LARGE1: variants seen among roughly 807,000 people sequenced by gnomAD.
The protein encoded by LARGE1 is xylosyl- and glucuronyltransferase LARGE1.
In LARGE1, 43 loss-of-function variants were observed where a neutral mutation model predicts 87.6. The ratio of observed to expected loss-of-function variants is 0.49; its 90% confidence interval spans 0.38 to 0.63. LARGE1 has a LOEUF of 0.63. LARGE1 is among the 30% of genes least tolerant of loss of function. The pLI is 0.00. For synonymous variants in LARGE1, 434 were observed against 394.6 expected, an observed-to-expected ratio of 1.10 and a Z score of -1.18; for missense variants, 802 against 1,000.2, an observed-to-expected ratio of 0.80 and a Z score of 2.67.
chr22:33,823,135 T>C (rs575870004), intron 1 of LARGE1, among the ~76,000 whole-genome samples: 1 of 152,132 alleles, frequency 6.6e-6, no homozygotes, highest in Non-Finnish European at 1.5e-5. Flanking sequence ...CTGACAAATA[T>C]AAATGATGTA....
chr22:33,568,698 G>A (rs929868438), intron 5 of LARGE1, among the ~76,000 whole-genome samples: 1 of 150,248 alleles, frequency 6.7e-6, no homozygotes, highest in African/African-American at 2.4e-5. Flanking sequence ...CCTAGGAAGC[G>A]GAAGTTGCGG....
chr22:33,791,574 T>C (rs758515210), intron 1 of LARGE1, among the ~76,000 whole-genome samples: 3 of 152,256 alleles, frequency 2.0e-5, no homozygotes, highest in Non-Finnish European at 2.9e-5. Flanking sequence ...TGCCACTTCA[T>C]CTGAAAATTC....
chr22:33,081,845 G>T, the LARGE1 span, among the ~76,000 whole-genome samples: 1 of 152,114 alleles, frequency 6.6e-6, no homozygotes, highest in Non-Finnish European at 1.5e-5. Context: ...TGGGAATTCT[G>T]CCAGTTATGA....
chr22:33,296,683 C>T (rs1413937462), intron 12 of LARGE1, among the ~76,000 whole-genome samples: 1 of 151,860 alleles, frequency 6.6e-6, no homozygotes, highest in East Asian at 1.9e-4. Context: ...ATTTTCCTGC[C>T]TCAGCCTCCT....
At chr22:33,539,256 G>GA (rs66550730) in intron 6 of LARGE1, among the ~76,000 whole-genome samples, 1,842 of 147,878 alleles carry the variant, frequency 0.012, 36 homozygotes, top group African/African-American at 0.044. Context: ...CTGATTAAAA[G>GA]AAAAAAAAAA....
At chr22:33,733,463 G>A (rs555703518) in intron 2 of LARGE1, 25 of 152,336 alleles carry the variant, frequency 1.6e-4, no homozygotes, top group African/African-American at 4.8e-4. Flanking sequence ...CACATCCAGA[G>A]TTATTTACAC....
intron 11 of LARGE1, among the ~76,000 whole-genome samples, chr22:33,229,436 GA>G (rs1222439016): frequency 4.6e-5 from 7 of 151,832 alleles, no homozygotes; most frequent in African/African-American, 1.7e-4. Context: ...AAGGGAGTAT[GA>G]AAAAATAATA....
At chr22:33,903,441 AT>A (rs1306547965) in intron 1 of LARGE1, among the ~76,000 whole-genome samples, 2 of 152,100 alleles carry the variant, frequency 1.3e-5, no homozygotes, top group East Asian at 3.9e-4. Flanking sequence ...ACCATTCTGA[AT>A]TTTTTTAAAA....
chr22:33,408,524 T>C (rs11703802), intron 7 of LARGE1, among the ~76,000 whole-genome samples: 24,111 of 152,058 alleles, frequency 0.16, 2,551 homozygotes, highest in African/African-American at 0.3. Context: ...GGCCTTCCCC[T>C]ATTTATCAGG....
chr22:33,586,791 T>C (rs1374631431), intron 5 of LARGE1, among the ~76,000 whole-genome samples: 1 of 152,210 alleles, frequency 6.6e-6, no homozygotes, highest in Non-Finnish European at 1.5e-5. Context: ...ATTATCTATG[T>C]GAAGTCATTA....
chr22:33,845,487 T>C (rs1416994204), intron 1 of LARGE1, among the ~76,000 whole-genome samples: 1 of 151,966 alleles, frequency 6.6e-6, no homozygotes, highest in Non-Finnish European at 1.5e-5. Context: ...TTTGTATTTT[T>C]AGTAGAGACG....
At chr22:33,451,628 G>A (rs979756975) in intron 6 of LARGE1, among the ~76,000 whole-genome samples, 19 of 149,914 alleles carry the variant, frequency 1.3e-4, no homozygotes, top group African/African-American at 4.5e-4. Context: ...GCATGATCTC[G>A]GCTCACTGCA....
chr22:33,093,006 G>A, the LARGE1 span, among the ~76,000 whole-genome samples: 1 of 152,032 alleles, frequency 6.6e-6, no homozygotes, highest in Non-Finnish European at 1.5e-5. Flanking sequence ...GAATTGCTGG[G>A]TCAAATGGTA....
chr22:33,511,079 T>C (rs150138245), intron 6 of LARGE1, among the ~76,000 whole-genome samples: 10 of 152,338 alleles, frequency 6.6e-5, no homozygotes, highest in African/African-American at 2.2e-4. Context: ...GTTTTACTGA[T>C]GGGCCATTAA....
chr22:33,546,595 T>G (rs2077366731), intron 6 of LARGE1, among the ~76,000 whole-genome samples: 1 of 151,960 alleles, frequency 6.6e-6, no homozygotes, highest in African/African-American at 2.4e-5. Context: ...AAATTTTTTA[T>G]TTTTTTTGAG....
At chr22:33,146,738 GT>G in the LARGE1 span, among the ~76,000 whole-genome samples, 5 of 151,412 alleles carry the variant, frequency 3.3e-5, no homozygotes, top group East Asian at 3.9e-4. Flanking sequence ...ATCTTAGCAG[GT>G]TTTTTTTTAA....
chr22:33,213,745 C>T (rs556936320), intron 11 of LARGE1, among the ~76,000 whole-genome samples: 76 of 152,342 alleles, frequency 5.0e-4, no homozygotes, highest in Admixed American at 9.1e-4. Context: ...ACTAAACAGA[C>T]TGCAGTATAC....
intron 9 of LARGE1, among the ~76,000 whole-genome samples, chr22:33,349,396 T>C (rs1318239726): frequency 6.6e-6 from 1 of 152,244 alleles, no homozygotes; most frequent in Non-Finnish European, 1.5e-5. Context: ...TGCTCAGTGC[T>C]TGTGATGTGA....
chr22:33,636,112 C>G (rs1381453867), intron 3 of LARGE1, among the ~76,000 whole-genome samples: 1 of 152,116 alleles, frequency 6.6e-6, no homozygotes, highest in Non-Finnish European at 1.5e-5. Flanking sequence ...CTTTCTTGTG[C>G]TATAAAGAGC....
Sources: allele counts gnomAD v4.1 joint callset (sites outside exome capture counted in the v4.1 genomes callset), GRCh38; gene constraint gnomAD v4.1.1; transcripts MANE v1.5; gene names NCBI Gene and HGNC (gene_info 2026-07-23, HGNC 2026-07-21).